The following SAMD12 variants were observed in gnomAD, a reference collection of about 807,000 sequenced individuals.
SAMD12 encodes sterile alpha motif domain-containing protein 12.
Under a neutral mutation model 15.0 loss-of-function variants are expected in SAMD12, and 9 were observed. The ratio of observed to expected loss-of-function variants is 0.60; its 90% CI spans 0.36 to 1.05. The LOEUF is 1.05. Among genes scored for constraint, SAMD12 ranks in the 50% least tolerant of loss-of-function variants. SAMD12 has a pLI of 0.01. For synonymous variants in SAMD12, 86 were observed against 90.1 expected (o/e 0.96, Z 0.25); for missense variants, 230 against 234.2 (o/e 0.98, Z 0.12).
chr8:118,420,533 T>C (rs1200939844), intron 3 of SAMD12, among the ~76,000 whole-genome samples: 1 of 152,202 alleles, frequency 6.6e-6, no homozygotes, highest in African/African-American at 2.4e-5. Context: ...ATGTATTTTA[T>C]TTTTTAGTGG....
At chr8:118,461,185 T>A (rs1193398431) in intron 2 of SAMD12, among the ~76,000 whole-genome samples, 3 of 152,250 alleles carry the variant, frequency 2.0e-5, no homozygotes, top group Admixed American at 6.5e-5. Context: ...TATAACTATC[T>A]GCTCCAACAC....
At chr8:118,578,118 C>A (rs1035169195) in intron 2 of SAMD12, among the ~76,000 whole-genome samples, 1 of 152,096 alleles carries the variant, frequency 6.6e-6, no homozygotes, top group East Asian at 1.9e-4. Flanking sequence ...CGGAAACATA[C>A]AATATCTACT....
intron 4 of SAMD12, among the ~76,000 whole-genome samples, chr8:118,227,439 G>A (rs1343247031): frequency 1.3e-5 from 2 of 152,002 alleles, no homozygotes; most frequent in Admixed American, 1.3e-4. Context: ...CCTAGATGAT[G>A]AAATAATCTA....
At chr8:118,223,424 A>C (rs1220336351) in intron 4 of SAMD12, among the ~76,000 whole-genome samples, 1 of 152,188 alleles carries the variant, frequency 6.6e-6, no homozygotes. Flanking sequence ...CATGAGCCAA[A>C]AACATCTTAG....
At chr8:118,512,876 T>G (rs1487963412) in intron 2 of SAMD12, among the ~76,000 whole-genome samples, 1 of 152,232 alleles carries the variant, frequency 6.6e-6, no homozygotes, top group Non-Finnish European at 1.5e-5. Flanking sequence ...CTTTTCCCAA[T>G]CTTCCAGTCA....
At chr8:118,141,729 T>C in the SAMD12 span, among the ~76,000 whole-genome samples, 1 of 152,244 alleles carries the variant, frequency 6.6e-6, no homozygotes, top group Admixed American at 6.5e-5. Context: ...AAACAGAGCA[T>C]CTTTCTATTT....
At chr8:118,618,611 G>A (rs1334188154) in intron 1 of SAMD12, among the ~76,000 whole-genome samples, 1 of 152,016 alleles carries the variant, frequency 6.6e-6, no homozygotes, top group Admixed American at 6.6e-5. Flanking sequence ...AGGCCGAGGC[G>A]GGCGGATCAC....
At chr8:118,388,260 T>C (rs1820070552) in intron 3 of SAMD12, among the ~76,000 whole-genome samples, 1 of 152,192 alleles carries the variant, frequency 6.6e-6, no homozygotes, top group African/African-American at 2.4e-5. Context: ...TTAGTCTCTT[T>C]CTTTATTTTT....
At chr8:118,201,255 T>C (rs1819706754) in intron 4 of SAMD12, among the ~76,000 whole-genome samples, 1 of 152,220 alleles carries the variant, frequency 6.6e-6, no homozygotes, top group Non-Finnish European at 1.5e-5. Flanking sequence ...TGGCTCTGCA[T>C]ATGTGTGGGG....
the SAMD12 span, among the ~76,000 whole-genome samples, chr8:118,174,389 G>A: frequency 6.6e-6 from 1 of 152,162 alleles, no homozygotes; most frequent in Non-Finnish European, 1.5e-5. Context: ...GAGACAAGAG[G>A]TGTTCAAGGC....
intron 3 of SAMD12, among the ~76,000 whole-genome samples, chr8:118,403,259 A>G (rs1411226547): frequency 6.6e-6 from 1 of 152,240 alleles, no homozygotes; most frequent in Non-Finnish European, 1.5e-5. Flanking sequence ...GAACAAAAAT[A>G]TGTCCTAACT....
At chr8:118,293,345 A>G (rs1175371007) in intron 4 of SAMD12, among the ~76,000 whole-genome samples, 2 of 152,236 alleles carry the variant, frequency 1.3e-5, no homozygotes, top group Non-Finnish European at 2.9e-5. Context: ...AACTCTGATG[A>G]TTCATGATGA....
chr8:118,158,023 G>A, the SAMD12 span, among the ~76,000 whole-genome samples: 2 of 152,180 alleles, frequency 1.3e-5, no homozygotes, highest in Non-Finnish European at 2.9e-5. Flanking sequence ...GTCTCTGTAA[G>A]TTGAGGAGAC....
the SAMD12 span, among the ~76,000 whole-genome samples, chr8:118,161,972 C>A: frequency 6.6e-6 from 1 of 151,704 alleles, no homozygotes; most frequent in Non-Finnish European, 1.5e-5. Context: ...CCAGCCTGGA[C>A]AACATGGTGA....
intron 3 of SAMD12, among the ~76,000 whole-genome samples, chr8:118,383,583 C>T (rs922641483): frequency 2.0e-5 from 3 of 152,116 alleles, no homozygotes; most frequent in Non-Finnish European, 2.9e-5. Flanking sequence ...CCTTGCTCTG[C>T]GGTCCTCTGC....
At chr8:118,257,426 TAGAG>T (rs1165412840) in intron 4 of SAMD12, among the ~76,000 whole-genome samples, 1 of 152,130 alleles carries the variant, frequency 6.6e-6, no homozygotes, top group Non-Finnish European at 1.5e-5. Flanking sequence ...AAAATACCAA[TAGAG>T]GGTTACTGTG....
At chr8:118,191,787 TATATATATATATATATATATATATAGAG>T (rs1243604419) in exon 5 of SAMD12, 8 of 53,888 alleles carry the variant, frequency 1.5e-4, no homozygotes, top group South Asian at 1.2e-3. Flanking sequence ...TATATATATA[TATATATATATATATATATATATATAGAG>T]AGAGAGAGAG....
intron 2 of SAMD12, among the ~76,000 whole-genome samples, chr8:118,442,639 C>A (rs1029051378): frequency 6.6e-6 from 1 of 152,208 alleles, no homozygotes; most frequent in Non-Finnish European, 1.5e-5. Flanking sequence ...GATCTTTTAG[C>A]TAGAAATCAC....
At chr8:118,149,268 G>A in the SAMD12 span, among the ~76,000 whole-genome samples, 148,128 of 152,318 alleles carry the variant, frequency 0.97, 72,170 homozygotes, top group Middle Eastern at 1. Flanking sequence ...AGCAGTTCAT[G>A]AGGATTCCAG....
Sources: gnomAD v4.1 joint callset for allele counts (sites outside exome capture counted in the v4.1 genomes callset) on GRCh38, gnomAD v4.1.1 for gene constraint, MANE v1.5 for transcripts, NCBI Gene and HGNC (gene_info 2026-07-23, HGNC 2026-07-21) for gene names.